Variants in C2CD5 observed in about 807,000 individuals in gnomAD.
C2CD5 encodes C2 domain-containing protein 5.
In C2CD5, 109 loss-of-function variants were observed where a neutral mutation model predicts 130.3. The observed-to-expected ratio is 0.84, with a 90% CI of 0.72 to 0.98. The LOEUF (loss-of-function observed/expected upper bound fraction) is 0.98. Among genes scored for constraint, C2CD5 ranks in the 50% least tolerant of loss-of-function variants. The pLI, the probability that C2CD5 is intolerant of heterozygous loss-of-function variation, is 0.00. For missense variants in C2CD5, 996 were observed against 1,261.8 expected, an observed-to-expected ratio of 0.79 and a Z score of 3.19; for synonymous variants, 454 against 429.2, an observed-to-expected ratio of 1.06 and a Z score of -0.71.
chr12:22,523,504 G>A lies in C2CD5; in HGVS notation c.722C>T (p.Thr241Met), dbSNP rs779762301. 6 of 1,613,898 alleles carry A rather than the reference G, an allele frequency of 3.7e-6. No homozygotes were observed. The highest frequency in any genetic ancestry group is 2.2e-5 in the East Asian group (1 of 44,864). Residue 241 changes from threonine (T) to methionine (M), a missense_variant, in exon 7 of 27, where the codon ACG (threonine) becomes ATG (methionine). By Grantham distance (81) the Thr-to-Met change is moderately conservative (BLOSUM62 -1). Coordinates refer to ENST00000446597, the MANE Select transcript of C2CD5 (RefSeq NM_001286176.2). ...ACTTAATTTATCCAGAGTACACGCC[G>A]TTCCTATGGCTCGCACCACTAACCC... is the stretch of plus-strand genomic sequence containing the variant. ...ESGLVVRAIG[T>M]ACTLDKLSSP... is the part of the protein sequence containing the mutation.
intron 22 of C2CD5, 51 bp from the exon 23 acceptor site, chr12:22,459,593 T>C (rs1272859098): frequency 2.7e-6 from 3 of 1,121,294 alleles, no homozygotes; most frequent in Non-Finnish European, 3.9e-6. Context: ...TACAAGCCAG[T>C]ACCTCTTCTT....
intron 12 of C2CD5, among the ~76,000 whole-genome samples, chr12:22,487,711 CA>C (rs1426244384): frequency 6.6e-6 from 1 of 151,888 alleles, no homozygotes; most frequent in Non-Finnish European, 1.5e-5. Context: ...GGTATATACC[CA>C]AAGGATTATA....
intron 8 of C2CD5, among the ~76,000 whole-genome samples, chr12:22,515,381 TA>T (rs1157328601): frequency 6.6e-6 from 1 of 152,162 alleles, no homozygotes; most frequent in Non-Finnish European, 1.5e-5. Flanking sequence ...TCACATTCAT[TA>T]AAATTTTTTA....
intron 10 of C2CD5, among the ~76,000 whole-genome samples, chr12:22,502,336 G>A (rs898628446): frequency 2.0e-5 from 3 of 151,950 alleles, no homozygotes; most frequent in Admixed American, 6.6e-5. Context: ...AAATCTAAAT[G>A]TGCATTTAAA....
At position 22,469,778 on chromosome 12, in the gene C2CD5, C is replaced by A. The variant is rs1464566949; in HGVS notation, c.2464G>T (p.Glu822Ter). ...AGTTCCAGTGGAAATTGTAAAAGTT[C>A]TTCATTATCTGTTGAGGCTAGAAAG... ...SLQRASTDNE[E>*]LLQFPLELCS... is the part of the protein sequence containing the mutation. The change falls in exon 22 of 27, where the codon GAA becomes TAA. Residue 822 changes from glutamate (E) to a stop codon, truncating the protein, a stop_gained. Coordinates refer to ENST00000446597, the MANE Select transcript of C2CD5 (RefSeq NM_001286176.2). LOFTEE classifies it high-confidence loss of function. 2 of 1,598,542 alleles carry A rather than the reference C, an allele frequency of 1.3e-6. No homozygotes were observed. The highest frequency in any genetic ancestry group is 1.4e-5 in the African/African-American group (1 of 73,914).
intron 8 of C2CD5, among the ~76,000 whole-genome samples, chr12:22,515,780 T>C (rs1471555099): frequency 6.6e-6 from 1 of 152,010 alleles, no homozygotes; most frequent in African/African-American, 2.4e-5. Flanking sequence ...ATTATTTGCA[T>C]TTACAGAGAC....
chr12:22,522,073 A>T (rs1950319635), intron 7 of C2CD5, among the ~76,000 whole-genome samples: 1 of 152,190 alleles, frequency 6.6e-6, no homozygotes, highest in Non-Finnish European at 1.5e-5. Context: ...GAACACAGTC[A>T]CACTGTATTC....
rs762956631 is a variant in C2CD5 at position 22,525,700 on chromosome 12, G to A, written c.355C>T (p.Arg119Cys). 8 of 1,469,964 alleles carry A rather than the reference G, an allele frequency of 5.4e-6. No individual in the cohort carries two copies. Among genetic ancestry groups the A allele is most frequent in the Admixed American group, 1.7e-5 (1 of 59,036 alleles). The allele number at this position is 1,469,964 out of a possible 1,614,324, so 91.1% of individuals were successfully genotyped here. The change falls in exon 5 of 27, where the codon CGT becomes TGT. Residue 119 changes from arginine to cysteine, a missense_variant. Physicochemically the swap from Arg to Cys is radical, Grantham distance 180 (BLOSUM62 -3). Coordinates refer to ENST00000446597, the MANE Select transcript of C2CD5 (RefSeq NM_001286176.2). ...FPIYDTIHGIRGEINVVVKVD... is the reference protein window; with the variant it reads ...FPIYDTIHGICGEINVVVKVD... ...TTGACAACTACATTGATTTCCCCAC[G>A]GATACCTATAAATTTAAAAAGAAAA... is the stretch of plus-strand genomic sequence containing the variant.
intron 11 of C2CD5, among the ~76,000 whole-genome samples, chr12:22,491,037 C>A (rs1266634822): frequency 6.6e-6 from 1 of 152,192 alleles, no homozygotes; most frequent in African/African-American, 2.4e-5. Flanking sequence ...GAAGGAATAA[C>A]ATGAAACCAC....
At chr12:22,472,120 A>C (rs1187237588) in intron 18 of C2CD5, 55 bp from the exon 19 acceptor site, 1 of 1,092,990 alleles carries the variant, frequency 9.1e-7, no homozygotes, top group African/African-American at 1.6e-5. Flanking sequence ...AAATATTTTA[A>C]CAGTTGATAA....
intron 7 of C2CD5, among the ~76,000 whole-genome samples, chr12:22,522,073 A>G (rs1950319635): frequency 6.6e-6 from 1 of 152,308 alleles, no homozygotes; most frequent in South Asian, 2.1e-4. Flanking sequence ...GAACACAGTC[A>G]CACTGTATTC....
chr12:22,506,884 A>G lies in C2CD5; in HGVS notation c.1039-65T>C, dbSNP rs1948608072. 16 of 976,962 alleles carry G rather than the reference A, an allele frequency of 1.6e-5. No homozygotes were observed. In the South Asian group the frequency reaches 2.1e-4, roughly 13 times the overall value. The allele number at this position is 976,962 out of a possible 1,614,324, so 60.5% of individuals were successfully genotyped here. A position where few individuals can be genotyped will look rare whatever the true frequency, so the allele number is the denominator to read the frequency against. On this transcript the variant is annotated intron_variant, in intron 9 of 26. Transcript: ENST00000446597. ...GTAGAGTGTAAAAAATTTGCTTATT[A>G]AAAAGCTTGCCATAGCAACTGTATT...
chr12:22,472,914 A>C (rs1466397034), intron 16 of C2CD5, 107 bp from the exon 17 acceptor site: 1 of 691,764 alleles, frequency 1.4e-6, no homozygotes, highest in East Asian at 2.7e-5. Flanking sequence ...ATTTTTCCTA[A>C]GTAAAAATAT....
At chr12:22,497,332 G>C (rs1238062580) in intron 10 of C2CD5, among the ~76,000 whole-genome samples, 3 of 151,910 alleles carry the variant, frequency 2.0e-5, no homozygotes, top group African/African-American at 4.8e-5. Context: ...AAATACTCAA[G>C]GTGATGGATA....
intron 13 of C2CD5, chr12:22,484,411 C>A (rs1007418225): frequency 1.0e-5 from 3 of 285,968 alleles, no homozygotes; most frequent in Non-Finnish European, 1.9e-5. Context: ...TTGAAGCAAT[C>A]TATACTTAGT....
At chr12:22,499,084 A>G (rs1947411366) in intron 10 of C2CD5, among the ~76,000 whole-genome samples, 1 of 152,226 alleles carries the variant, frequency 6.6e-6, no homozygotes, top group Non-Finnish European at 1.5e-5. Context: ...CATTTGAAAA[A>G]TGAGTTAGGA....
chr12:22,505,003 T>C (rs1432642628), intron 10 of C2CD5, among the ~76,000 whole-genome samples: 1 of 152,144 alleles, frequency 6.6e-6, no homozygotes, highest in African/African-American at 2.4e-5. Flanking sequence ...AAACCAGTGC[T>C]TAGAAGATGC....
chr12:22,527,715 C>G lies in C2CD5; in HGVS notation c.349+6G>C, dbSNP rs927226127. On this transcript the variant is annotated splice_donor_region_variant and intron_variant, in intron 4 of 26. Coordinates refer to ENST00000446597, the MANE Select transcript of C2CD5 (RefSeq NM_001286176.2). ...TTATTTATAATACTTTCTTATTATT[C>G]CTTACCATGTATGGTGTCATAAATT... The G allele has an allele frequency of 6.2e-6, 9 of 1,450,326 alleles. No individual in the cohort carries two copies. The highest frequency in any genetic ancestry group is 8.5e-6 in the Non-Finnish European group (9 of 1,056,848). The allele number at this position is 1,450,326 out of a possible 1,614,324, so 89.8% of individuals were successfully genotyped here. A position where few individuals can be genotyped will look rare whatever the true frequency, so the allele number is the denominator to read the frequency against.
At chr12:22,489,348 C>A (rs1342180576) in intron 12 of C2CD5, among the ~76,000 whole-genome samples, 1 of 151,316 alleles carries the variant, frequency 6.6e-6, no homozygotes, top group Non-Finnish European at 1.5e-5. Flanking sequence ...ATACAGTCAC[C>A]CTTCCGTATC....
Sources: gnomAD v4.1 joint callset for allele counts (sites outside exome capture counted in the v4.1 genomes callset) on GRCh38, gnomAD v4.1.1 for gene constraint, MANE v1.5 for transcripts, NCBI Gene and HGNC (gene_info 2026-07-23, HGNC 2026-07-21) for gene names.